The following PHTF1 variants were observed in gnomAD, a reference collection of about 807,000 sequenced individuals.
The protein encoded by PHTF1 is protein PHTF1.
In PHTF1, 88 loss-of-function variants were observed where a neutral mutation model predicts 102.4. The ratio of observed to expected loss-of-function variants is 0.86; its 90% CI spans 0.72 to 1.03. The LOEUF is 1.03. Ranked by LOEUF, PHTF1 falls within the 50% of genes least tolerant of loss-of-function variation. PHTF1 has a pLI of 0.00. For synonymous variants in PHTF1, 289 were observed against 305.2 expected (o/e 0.95, Z 0.55); for missense variants, 814 against 909.5 (o/e 0.89, Z 1.35).
At chr1:113,746,013 T>G (rs1414095128) in intron 3 of PHTF1, among the ~76,000 whole-genome samples, 1 of 152,220 alleles carries the variant, frequency 6.6e-6, no homozygotes, top group Non-Finnish European at 1.5e-5. Flanking sequence ...TGGGGACTGC[T>G]GGACTATACA....
At chr1:113,739,563 TATC>T (rs1232050455) in intron 3 of PHTF1, among the ~76,000 whole-genome samples, 3 of 152,236 alleles carry the variant, frequency 2.0e-5, no homozygotes, top group Non-Finnish European at 4.4e-5. Context: ...CTTGAACATT[TATC>T]ATTTCTTTGT....
At position 113,713,359 on chromosome 1, in the gene PHTF1, T is replaced by A; in HGVS notation, c.703A>T (p.Arg235Trp). 1 of 1,610,226 alleles carries A rather than the reference T, an allele frequency of 6.2e-7. No individual in the cohort carries two copies. Among genetic ancestry groups the A allele is most frequent in the South Asian group, 1.1e-5 (1 of 91,004 alleles). ...DPSCVHPIIK[R>W]RQCRPEIRMW... ...CTAATCTCTGGTCGACATTGTCTCC[T>A]CTTAATGATAGGATGGACACAACTT... The change falls in exon 8 of 19, where the codon AGG becomes TGG. Residue 235 changes from arginine to tryptophan, a missense_variant. By Grantham distance (101) the Arg-to-Trp change is moderately radical (BLOSUM62 -3). Coordinates refer to ENST00000369604, the MANE Select transcript of PHTF1 (RefSeq NM_001323043.2).
chr1:113,725,076 C>A (rs1653622894), intron 6 of PHTF1, among the ~76,000 whole-genome samples, 183 bp from the exon 7 acceptor site: 1 of 152,050 alleles, frequency 6.6e-6, no homozygotes, highest in Non-Finnish European at 1.5e-5. Context: ...GATTCCAAAC[C>A]AAAGTCCTAT....
chr1:113,746,558 T>C (rs1031344917), intron 3 of PHTF1, among the ~76,000 whole-genome samples: 6 of 152,216 alleles, frequency 3.9e-5, no homozygotes, highest in Non-Finnish European at 5.9e-5. Context: ...TACTATAATA[T>C]ACAGTTCAGT....
At chr1:113,747,098 A>T (rs963200270) in intron 3 of PHTF1, among the ~76,000 whole-genome samples, 10 of 152,246 alleles carry the variant, frequency 6.6e-5, no homozygotes, top group African/African-American at 2.4e-4. Flanking sequence ...ACAATGCAAG[A>T]CATACTACAC....
rs142150342 is a variant in PHTF1, at chr1:113,699,313, T to C, written c.2142+391A>G. 1,569 of 306,654 alleles carry C rather than the reference T, an allele frequency of 5.1e-3. 3 individuals carry two copies. Among genetic ancestry groups the C allele is most frequent in the Non-Finnish European group, 7.9e-3 (1,248 of 158,884 alleles). 19.0% of individuals were successfully genotyped at this position (306,654 alleles called of 1,614,324 possible). On this transcript the variant is annotated intron_variant, in intron 17 of 18. Coordinates refer to ENST00000369604, the MANE Select transcript of PHTF1 (RefSeq NM_001323043.2). ...GAGCTTGACCATGATTATAGCCCCATGGATGGTGCTGGCTACCTCCTTGGA... is the reference window on the plus strand; with the variant it reads ...GAGCTTGACCATGATTATAGCCCCACGGATGGTGCTGGCTACCTCCTTGGA...
intron 5 of PHTF1, among the ~76,000 whole-genome samples, chr1:113,735,229 G>A (rs1437837060): frequency 6.6e-6 from 1 of 151,806 alleles, no homozygotes; most frequent in Non-Finnish European, 1.5e-5. Flanking sequence ...AGCCAGGCAT[G>A]GTAGTGTGTC....
rs756986237 is a variant in PHTF1 at position 113,738,105 on chromosome 1, A to G, written c.331+5T>C. The G allele has an allele frequency of 3.1e-6, 5 of 1,596,582 alleles. No homozygotes were observed. The Admixed American group carries it at 5.1e-5, about 16-fold the overall frequency. Reference sequence around the variant, plus strand: ...GTCATTGCTTATTCCAATTTCTCCAATTACCTTGCATGAAATAAAGTAGTA... The same window carrying G: ...GTCATTGCTTATTCCAATTTCTCCAGTTACCTTGCATGAAATAAAGTAGTA... On this transcript the variant is annotated splice_donor_5th_base_variant and intron_variant, in intron 5 of 18. Transcript: ENST00000369604.
chr1:113,703,543 T>G (rs1649677823), intron 15 of PHTF1, among the ~76,000 whole-genome samples: 1 of 152,046 alleles, frequency 6.6e-6, no homozygotes, highest in Non-Finnish European at 1.5e-5. Context: ...TTTTTTTTCA[T>G]GGAGATGGGT....
intron 3 of PHTF1, among the ~76,000 whole-genome samples, chr1:113,756,613 T>C (rs1228051210): frequency 6.6e-6 from 1 of 152,160 alleles, no homozygotes. Flanking sequence ...CTTTTCCACA[T>C]CTCAAGACTA....
In PHTF1 at chr1:113,711,839, C is replaced by A. The variant is rs1391780936; in HGVS notation, c.958-4G>T. The A allele has an allele frequency of 6.2e-7, 1 of 1,612,578 alleles. No individual in the cohort carries two copies. The highest frequency in any genetic ancestry group is 1.3e-5 in the African/African-American group (1 of 74,874). On this transcript the variant is annotated splice_region_variant and splice_polypyrimidine_tract_variant and intron_variant, in intron 9 of 18. Transcript: ENST00000369604. Reference sequence around the variant, plus strand: ...ACCTTGTAGTGGTTTTCTTTACCTGCCAAAAATCAAACCAACAAGCAATAG... The same window carrying A: ...ACCTTGTAGTGGTTTTCTTTACCTGACAAAAATCAAACCAACAAGCAATAG...
At chr1:113,718,920 T>C (rs550624056) in intron 7 of PHTF1, among the ~76,000 whole-genome samples, 1 of 152,350 alleles carries the variant, frequency 6.6e-6, no homozygotes, top group Admixed American at 6.5e-5. Flanking sequence ...TGCTTGGGTA[T>C]TAATGTTAGG....
Position 113,759,233 on chromosome 1 carries a change from C to A in PHTF1, c.-241G>T. On this transcript the variant is annotated 5_prime_UTR_variant, in exon 1 of 19. Coordinates refer to ENST00000369604, the MANE Select transcript of PHTF1 (RefSeq NM_001323043.2). The stretch of plus-strand genomic sequence containing the variant: ...GCCCAGCGCCCTGAGGGCGGCAAAT[C>A]GATCGCCGGTCAGAGGCCGCCTACA... 1 of 256,508 alleles carries A rather than the reference C, an allele frequency of 3.9e-6. No homozygotes were observed. Among genetic ancestry groups the A allele is most frequent in the Non-Finnish European group, 6.1e-6 (1 of 163,086 alleles). The allele number at this position is 256,508 out of a possible 1,614,324, so 15.9% of individuals were successfully genotyped here. A position where few individuals can be genotyped will look rare whatever the true frequency, so the allele number is the denominator to read the frequency against.
Position 113,705,861 on chromosome 1 carries a change from T to C in PHTF1, c.1671+29A>G, listed in dbSNP as rs190691035. ...ATGGAATATCATATACAAAAACAGG[T>C]AAAAAATTTTCCTTATTTCTCCACT... On this transcript the variant is annotated intron_variant, in intron 13 of 18. Coordinates refer to ENST00000369604, the MANE Select transcript of PHTF1 (RefSeq NM_001323043.2). 7 of 1,581,222 alleles carry C rather than the reference T, an allele frequency of 4.4e-6. No individual in the cohort carries two copies. In the Admixed American group the frequency reaches 8.9e-5, roughly 20 times the overall value.
At chr1:113,734,544 A>G (rs1221041759) in intron 5 of PHTF1, among the ~76,000 whole-genome samples, 1 of 152,258 alleles carries the variant, frequency 6.6e-6, no homozygotes, top group Admixed American at 6.5e-5. Flanking sequence ...ATGAAATTGC[A>G]TATTTAGCTG....
rs769952377 is a variant in PHTF1 at position 113,712,111 on chromosome 1, C to T, written c.786G>A (p.Glu262=). Residue 262 remains glutamate (E), a splice_region_variant and synonymous_variant, in exon 9 of 19, where the codon GAG becomes GAA. Transcript: ENST00000369604. ...CCCCATTACCCAAACGCCTAAAAGC[C>T]TCCTACAAAGAGAACAGCAATACCT... The part of the protein sequence containing the change: ...KFSDGEKCRR[E]AFRRLGNGVS... 1.9e-6 allele frequency: 3 copies of T among 1,613,608 alleles called. No homozygotes were observed. The highest frequency in any genetic ancestry group is 1.7e-5 in the Admixed American group (1 of 59,972).
chr1:113,706,636 C>G lies in PHTF1; in HGVS notation c.1356G>C (p.Met452Ile). The change falls in exon 12 of 19, where the codon ATG becomes ATC. Residue 452 changes from methionine to isoleucine, a missense_variant. Met to Ile is a conservative substitution (Grantham distance 10). Coordinates refer to ENST00000369604, the MANE Select transcript of PHTF1 (RefSeq NM_001323043.2). Reference sequence around the variant, plus strand: ...CACTTATTTCCAACACAGACATATCCATCTTTTTGCACTCATTCCCCTCCC... The same window carrying G: ...CACTTATTTCCAACACAGACATATCGATCTTTTTGCACTCATTCCCCTCCC... ...IIWEGNECKK[M>I]DMSVLEISGI... 1 of 1,611,610 alleles carries G rather than the reference C, an allele frequency of 6.2e-7. No individual in the cohort carries two copies. The highest frequency in any genetic ancestry group is 2.2e-5 in the East Asian group (1 of 44,732).
rs1659314714 is a variant in PHTF1 at position 113,759,040 on chromosome 1, G to T, written c.-48C>A. The T allele has an allele frequency of 4.9e-6, 5 of 1,016,588 alleles. No individual in the cohort carries two copies. In the South Asian group the frequency reaches 2.2e-4, roughly 45 times the overall value. 63.0% of individuals were successfully genotyped at this position (1,016,588 alleles called of 1,614,324 possible). On this transcript the variant is annotated 5_prime_UTR_variant, in exon 1 of 19. Transcript: ENST00000369604. ...GCTCTCACCTAGTGCCCGTTGCCCC[G>T]CGGGCCGGCGCCCGGGACCTCCGTC...
intron 5 of PHTF1, among the ~76,000 whole-genome samples, chr1:113,735,446 A>G (rs1460344831): frequency 2.0e-5 from 3 of 151,280 alleles, no homozygotes; most frequent in Non-Finnish European, 4.4e-5. Context: ...GACTCTACAT[A>G]TGACTCTACA....
Sources: gnomAD v4.1 joint callset for allele counts (sites outside exome capture counted in the v4.1 genomes callset) on GRCh38, gnomAD v4.1.1 for gene constraint, MANE v1.5 for transcripts, NCBI Gene and HGNC (gene_info 2026-07-23, HGNC 2026-07-21) for gene names.